ATG2B: variants seen among roughly 807,000 people sequenced by gnomAD.
ATG2B encodes autophagy related 2B, also known as autophagy-related protein 2 homolog B.
A neutral mutation model predicts 241.3 loss-of-function variants in ATG2B; 121 were observed. The observed-to-expected ratio is 0.50, with a 90% CI of 0.43 to 0.58. The LOEUF is 0.58. ATG2B is among the 20% of genes least tolerant of loss of function. ATG2B has a pLI of 0.00. For synonymous variants in ATG2B, 858 were observed against 876.6 expected, an observed-to-expected ratio of 0.98 and a Z score of 0.37; for missense variants, 2,306 against 2,491.6, an observed-to-expected ratio of 0.93 and a Z score of 1.59.
At chr14:96,338,837 T>C (rs1887934146) in intron 6 of ATG2B, among the ~76,000 whole-genome samples, 2 of 151,978 alleles carry the variant, frequency 1.3e-5, no homozygotes, top group South Asian at 4.2e-4. Context: ...ACCAGCAGAG[T>C]AAATGGACAA....
Position 96,325,708 on chromosome 14 carries a change from A to C in ATG2B, c.2378T>G (p.Phe793Cys). The C allele has an allele frequency of 6.2e-7, 1 of 1,613,792 alleles. No individual in the cohort carries two copies. Among genetic ancestry groups the C allele is most frequent in the East Asian group, 2.2e-5 (1 of 44,850 alleles). The change falls in exon 15 of 42, where the codon TTT (phenylalanine) becomes TGT (cysteine). Residue 793 changes from phenylalanine to cysteine, a missense_variant. Phe to Cys is a radical substitution (Grantham distance 205, BLOSUM62 -2). Coordinates refer to ENST00000359933, the MANE Select transcript of ATG2B (RefSeq NM_018036.7). ...AFTDLEFKTEFIGGSTPEQIK... is the reference protein window; with the variant it reads ...AFTDLEFKTECIGGSTPEQIK... ...TTGTTCTGGGGTTGATCCTCCTATA[A>C]ATTCAGTCTTAAATTCTAGATCTGT...
At chr14:96,318,614 C>G (rs1887378301) in intron 18 of ATG2B, among the ~76,000 whole-genome samples, 1 of 152,024 alleles carries the variant, frequency 6.6e-6, no homozygotes, top group South Asian at 2.1e-4. Context: ...AGAGAAAAAC[C>G]CTTATGACTA....
intron 33 of ATG2B, 71 bp from the exon 34 acceptor site, chr14:96,302,179 A>AG (rs1287572648): frequency 1.1e-6 from 1 of 941,318 alleles, no homozygotes; most frequent in Non-Finnish European, 1.6e-6. Flanking sequence ...AAAAATAAGA[A>AG]AAAAAAAGAA....
At position 96,328,684 on chromosome 14, in the gene ATG2B, C is replaced by G. The variant is rs199989694; in HGVS notation, c.1964G>C (p.Arg655Thr). The change falls in exon 13 of 42, where the codon AGA becomes ACA. Residue 655 changes from arginine to threonine, a missense_variant. This residue lies in a region of ATG2B where 1,927 missense variants were observed against 2,011.2 expected (regional missense o/e 0.96). Coordinates refer to ENST00000359933, the MANE Select transcript of ATG2B (RefSeq NM_018036.7). ...AAAAAGATCTCTTACCTGGGGCCCT[C>G]TATTCTCAGAATGCTTATAATGAAG... is the stretch of plus-strand genomic sequence containing the variant. ...LQLHYKHSEN[R>T]GPQGNQARLS... 4,425 of 1,606,480 alleles carry G rather than the reference C, an allele frequency of 2.8e-3. 146 individuals carry two copies. The South Asian group carries it at 0.047, about 17-fold the overall frequency.
chr14:96,311,406 G>A, intron 27 of ATG2B, 119 bp from the exon 28 acceptor site: 3 of 1,205,354 alleles, frequency 2.5e-6, no homozygotes, highest in South Asian at 3.2e-5. Context: ...CATAAAAAAA[G>A]TATTTAAATA....
intron 33 of ATG2B, among the ~76,000 whole-genome samples, chr14:96,302,783 A>T (rs1488475734): frequency 6.6e-6 from 1 of 152,140 alleles, no homozygotes; most frequent in Non-Finnish European, 1.5e-5. Context: ...AATCTGGAAC[A>T]CCTTCAGCAA....
In ATG2B at chr14:96,290,939, G is replaced by A; in HGVS notation, c.5580-4C>T. On this transcript the variant is annotated splice_region_variant and splice_polypyrimidine_tract_variant and intron_variant, in intron 38 of 41. Coordinates refer to ENST00000359933, the MANE Select transcript of ATG2B (RefSeq NM_018036.7). This position sits in a 1 kb window ranked among gnomAD's most constrained non-coding sequence, Gnocchi z 4.4. ...TAATTTGTCAACGCCTAGTAAACTAGAGCAAATGATTATTAGTATGTCAAA... is the reference window on the plus strand; with the variant it reads ...TAATTTGTCAACGCCTAGTAAACTAAAGCAAATGATTATTAGTATGTCAAA... 1 of 1,606,148 alleles carries A rather than the reference G, an allele frequency of 6.2e-7. No homozygotes were observed. Among genetic ancestry groups the A allele is most frequent in the Non-Finnish European group, 8.5e-7 (1 of 1,176,620 alleles).
At position 96,331,611 on chromosome 14, in the gene ATG2B, C is replaced by T; in HGVS notation, c.1495G>A (p.Asp499Asn). 6.2e-7 allele frequency: 1 copy of T among 1,612,236 alleles called. No individual in the cohort carries two copies. The highest frequency in any genetic ancestry group is 1.1e-5 in the South Asian group (1 of 90,630). The change falls in exon 11 of 42, where the codon GAT becomes AAT. Residue 499 changes from aspartate to asparagine, a missense_variant. Asp to Asn is a conservative substitution (Grantham distance 23). Around this residue, in one of 2 missense-constraint regions of ATG2B, gnomAD observed 1,927 missense variants for 2,011.2 expected, o/e 0.96. Coordinates refer to ENST00000359933, the MANE Select transcript of ATG2B (RefSeq NM_018036.7). Reference sequence around the variant, plus strand: ...AAAATAAGTTCAGGCCTTGATTCATCCACTGAAACAGATCTAGATGGGAGA... The same window carrying T: ...AAAATAAGTTCAGGCCTTGATTCATTCACTGAAACAGATCTAGATGGGAGA... ...TSLPSRSVSVDESRPELIFRL... is the reference protein window; with the variant it reads ...TSLPSRSVSVNESRPELIFRL...
intron 1 of ATG2B, among the ~76,000 whole-genome samples, chr14:96,348,416 C>T (rs1321012380): frequency 6.6e-6 from 1 of 152,084 alleles, no homozygotes; most frequent in Non-Finnish European, 1.5e-5. Flanking sequence ...GGCATGGTGG[C>T]TCACACCTAT....
intron 1 of ATG2B, among the ~76,000 whole-genome samples, chr14:96,351,709 C>T (rs1488919957): frequency 1.3e-5 from 2 of 150,348 alleles, no homozygotes; most frequent in Non-Finnish European, 3.0e-5. Flanking sequence ...GCACTCCAGC[C>T]TGGGCGGCAG....
At chr14:96,313,222 A>G (rs928140687) in intron 24 of ATG2B, 65 bp from the exon 25 acceptor site, 4 of 1,377,750 alleles carry the variant, frequency 2.9e-6, no homozygotes, top group Non-Finnish European at 4.1e-6. Context: ...ATTAAAAACA[A>G]CAACAACAAC....
chr14:96,336,826 T>A (rs560689242), intron 6 of ATG2B, among the ~76,000 whole-genome samples: 14 of 152,182 alleles, frequency 9.2e-5, no homozygotes, highest in Non-Finnish European at 2.1e-4. Context: ...GACTACCTGT[T>A]CTGCTAACAA....
In ATG2B at chr14:96,301,900, A is replaced by G. The variant is rs540516968; in HGVS notation, c.5139+107T>C. The G allele has an allele frequency of 8.2e-5, 69 of 841,774 alleles. No individual in the cohort carries two copies. The African/African-American group carries it at 1.2e-3, about 14-fold the overall frequency. 52.1% of individuals were successfully genotyped at this position (841,774 alleles called of 1,614,324 possible). Reference sequence around the variant, plus strand: ...TCTTTATCAGAAGTTTGCTTTATATATGTAACCGCCATAAAAGTTCAATAA... The same window carrying G: ...TCTTTATCAGAAGTTTGCTTTATATGTGTAACCGCCATAAAAGTTCAATAA... On this transcript the variant is annotated intron_variant, in intron 34 of 41. Transcript: ENST00000359933.
chr14:96,357,370 C>T (rs775692314), intron 1 of ATG2B, among the ~76,000 whole-genome samples: 20 of 152,160 alleles, frequency 1.3e-4, no homozygotes, highest in Admixed American at 7.9e-4. Flanking sequence ...CATCTCCTGC[C>T]ACTGTTATTC....
Position 96,289,231 on chromosome 14 carries a change from ATG to A in ATG2B, c.6006+423_6006+424del, listed in dbSNP as rs1444346456. Among the ~76,000 whole-genome samples, 1 of 152,346 alleles carries A rather than the reference ATG, an allele frequency of 6.6e-6. No individual in the cohort carries two copies. The highest frequency in any genetic ancestry group is 1.9e-4 in the East Asian group (1 of 5,184). Reference sequence around the variant, plus strand: ...ATACATAATAAAACTATATAAAAACATGTACAAAAAAATATGTTCCACGTTCA... The same window carrying A: ...ATACATAATAAAACTATATAAAAACATACAAAAAAATATGTTCCACGTTCA... On this transcript the variant is annotated intron_variant, in intron 41 of 41. Coordinates refer to ENST00000359933, the MANE Select transcript of ATG2B (RefSeq NM_018036.7). This position sits in a 1 kb window ranked among gnomAD's most constrained non-coding sequence, Gnocchi z 4.3.
chr14:96,293,674 A>G (rs1886549822), intron 36 of ATG2B, among the ~76,000 whole-genome samples: 1 of 152,196 alleles, frequency 6.6e-6, no homozygotes, highest in African/African-American at 2.4e-5. Flanking sequence ...CTCATTTGTA[A>G]GGTGTGTAAT....
chr14:96,316,471 T>A, intron 21 of ATG2B, 62 bp downstream of exon 21: 1 of 1,516,680 alleles, frequency 6.6e-7, no homozygotes, highest in Admixed American at 2.2e-5. Flanking sequence ...TAGATTTTCT[T>A]TGTTAAACAA....
rs1566708330 is a variant in ATG2B, at chr14:96,280,296, A to C, written c.*5459T>G. Reference sequence around the variant, plus strand: ...TCTTAAATGAAGTCCTGGGAAGAGCATGAGGTCTGGAAGTCAAACCATGTG... The same window carrying C: ...TCTTAAATGAAGTCCTGGGAAGAGCCTGAGGTCTGGAAGTCAAACCATGTG... On this transcript the variant is annotated 3_prime_UTR_variant, in exon 42 of 42. Coordinates refer to ENST00000359933, the MANE Select transcript of ATG2B (RefSeq NM_018036.7). 6.6e-6 allele frequency: 1 copy of C among 152,252 alleles called. No individual in the cohort carries two copies. The highest frequency in any genetic ancestry group is 1.5e-5 in the Non-Finnish European group (1 of 68,050). The allele number at this position is 152,252 out of a possible 1,614,324, so 9.4% of individuals were successfully genotyped here.
At chr14:96,296,802 T>C (rs2139842128) in intron 34 of ATG2B, among the ~76,000 whole-genome samples, 1 of 148,282 alleles carries the variant, frequency 6.7e-6, no homozygotes, top group East Asian at 2.0e-4. Context: ...CCTAAACTAA[T>C]ATAAAACATT....
Sources: gnomAD v4.1 joint callset for allele counts (sites outside exome capture counted in the v4.1 genomes callset) on GRCh38, gnomAD v4.1.1 for gene constraint, gnomAD v4.1.1 regional missense constraint, Gnocchi (gnomAD v3.1) non-coding constraint, MANE v1.5 for transcripts, NCBI Gene and HGNC (gene_info 2026-07-23, HGNC 2026-07-21) for gene names.